ARAP1: variants seen among roughly 807,000 people sequenced by gnomAD.
The protein encoded by ARAP1 is ArfGAP with RhoGAP domain, ankyrin repeat and PH domain 1.
A neutral mutation model predicts 172.2 loss-of-function variants in ARAP1; 76 were observed. The ratio of observed to expected loss-of-function variants is 0.44; its 90% confidence interval spans 0.37 to 0.53. The LOEUF (loss-of-function observed/expected upper bound fraction) is 0.53. ARAP1 is among the 20% of genes least tolerant of loss of function. The pLI, the probability that ARAP1 is intolerant of heterozygous loss-of-function variation, is 0.00. For synonymous variants in ARAP1, 804 were observed against 803.3 expected (o/e 1.00, Z -0.01); for missense variants, 1,686 against 1,977.5 (o/e 0.85, Z 2.80).
At chr11:72,714,700 C>T (rs183470994) in intron 3 of ARAP1, among the ~76,000 whole-genome samples, 48 of 152,228 alleles carry the variant, frequency 3.2e-4, no homozygotes, top group Admixed American at 7.8e-4. Flanking sequence ...AAGGCATTGA[C>T]GGCAAAGAGA....
At chr11:72,698,524 G>A (rs1856320572) in intron 18 of ARAP1, among the ~76,000 whole-genome samples, 4 of 152,172 alleles carry the variant, frequency 2.6e-5, no homozygotes, top group African/African-American at 9.7e-5. Flanking sequence ...CTCAGGAGGC[G>A]CACAAGACAA....
At position 72,714,234 on chromosome 11, in the gene ARAP1, G is replaced by T; in HGVS notation, c.597C>A (p.Pro199=). The change falls in exon 4 of 35, where the codon CCC becomes CCA. Residue 199 remains proline (P), a synonymous_variant. Transcript: ENST00000393609. ...GAGAGGGAGGCTGGGGAGGCCCCTG[G>T]GGGAGGGTGGACAGGGGCTCCTCAG... ...PQSEEPLSTL[P]QGPPQPPSPP... is the part of the protein sequence containing the mutation. 1.3e-6 allele frequency: 2 copies of T among 1,528,084 alleles called. No homozygotes were observed. The highest frequency in any genetic ancestry group is 1.8e-6 in the Non-Finnish European group (2 of 1,140,366). 94.7% of individuals were successfully genotyped at this position (1,528,084 alleles called of 1,614,324 possible).
intron 1 of ARAP1, among the ~76,000 whole-genome samples, chr11:72,738,082 T>C (rs1858086040): frequency 6.6e-6 from 1 of 152,192 alleles, no homozygotes; most frequent in African/African-American, 2.4e-5. Flanking sequence ...GGGAGGCTTC[T>C]AGAAGGAACC....
intron 3 of ARAP1, among the ~76,000 whole-genome samples, chr11:72,723,707 A>C (rs1245603514): frequency 1.3e-5 from 2 of 152,196 alleles, no homozygotes; most frequent in African/African-American, 4.8e-5. Context: ...CAAGCTCAGC[A>C]CGTGCCAGTA....
chr11:72,705,572 C>CT (rs1269455268), intron 13 of ARAP1: 9 of 476,236 alleles, frequency 1.9e-5, no homozygotes, highest in Non-Finnish European at 2.6e-5. Flanking sequence ...CTTTTTTTTT[C>CT]TTTAAAAAAA....
chr11:72,695,900 G>C lies in ARAP1; in HGVS notation c.3273-35C>G. ...GGAGGAGGAGGGCTTTGAGTGAGGA[G>C]TCAGGCCAGAGCTTCCCATCTCACC... On this transcript the variant is annotated intron_variant, in intron 23 of 34. Transcript: ENST00000393609. This position sits in a 1 kb window ranked among gnomAD's most constrained non-coding sequence, Gnocchi z 4.4. 6.3e-7 allele frequency: 1 copy of C among 1,591,088 alleles called. No homozygotes were observed. Among genetic ancestry groups the C allele is most frequent in the Non-Finnish European group, 8.6e-7 (1 of 1,169,298 alleles).
chr11:72,686,235 C>G (rs1565206862), intron 33 of ARAP1, 44 bp from the exon 34 acceptor site: 2 of 1,586,434 alleles, frequency 1.3e-6, no homozygotes, highest in Non-Finnish European at 1.7e-6. Context: ...TTCAGTTCAC[C>G]CAGACACTCA....
intron 1 of ARAP1, among the ~76,000 whole-genome samples, chr11:72,737,145 G>A (rs1218994894): frequency 6.6e-6 from 1 of 152,114 alleles, no homozygotes; most frequent in Non-Finnish European, 1.5e-5. Flanking sequence ...TTTTGTGGGG[G>A]TCCACCTCCA....
chr11:72,751,717 C>A (rs575844131), intron 1 of ARAP1, among the ~76,000 whole-genome samples: 4 of 152,154 alleles, frequency 2.6e-5, no homozygotes, highest in East Asian at 1.9e-4. Context: ...AGATTCCCCC[C>A]CTCCCCGCCG....
At chr11:72,686,223 G>T (rs1221994883) in intron 33 of ARAP1, 32 bp from the exon 34 acceptor site, 2 of 1,596,556 alleles carry the variant, frequency 1.3e-6, no homozygotes, top group Non-Finnish European at 8.6e-7. Flanking sequence ...GCTGGGCTCA[G>T]CTTCAGTTCA....
At chr11:72,747,143 C>T (rs934595764) in intron 1 of ARAP1, among the ~76,000 whole-genome samples, 1 of 152,220 alleles carries the variant, frequency 6.6e-6, no homozygotes, top group African/African-American at 2.4e-5. Flanking sequence ...GCCAAGATTC[C>T]AGGTGTGACC....
At chr11:72,704,020 A>G (rs1307287158) in intron 14 of ARAP1, 132 bp downstream of exon 14, 1 of 1,274,154 alleles carries the variant, frequency 7.8e-7, no homozygotes. Context: ...TCTGCCCTCC[A>G]AACATCAGTT....
Position 72,695,048 on chromosome 11 carries a change from C to T in ARAP1, c.3626G>A (p.Arg1209His), listed in dbSNP as rs746817671. 6 of 1,614,112 alleles carry T rather than the reference C, an allele frequency of 3.7e-6. No individual in the cohort carries two copies. Among genetic ancestry groups the T allele is most frequent in the Non-Finnish European group, 5.1e-6 (6 of 1,180,018 alleles). Residue 1209 changes from arginine (R) to histidine (H), a missense_variant, in exon 27 of 35, where the codon CGC becomes CAC. This residue lies in a region of ARAP1 where 379 missense variants were observed against 500.1 expected (regional missense o/e 0.76). Transcript: ENST00000393609. The surrounding 1 kb of genome is among the most constrained non-coding windows in gnomAD (Gnocchi z 4.4). Reference protein sequence around the residue: ...AEELTLEILDRRNVGIREKDY... With the variant: ...AEELTLEILDHRNVGIREKDY... ...CTTCTCCCTGATGCCCACGTTCCGG[C>T]GATCCAGGATCTCCAGGGTGAGCTC... is the stretch of plus-strand genomic sequence containing the variant.
chr11:72,686,013 C>T, intron 34 of ARAP1, 29 bp downstream of exon 34: 1 of 1,613,856 alleles, frequency 6.2e-7, no homozygotes. Context: ...CCCCCAGCCC[C>T]CTGCCCAAAG....
At chr11:72,730,937 A>G (rs1240635207) in intron 2 of ARAP1, among the ~76,000 whole-genome samples, 1 of 152,256 alleles carries the variant, frequency 6.6e-6, no homozygotes, top group Non-Finnish European at 1.5e-5. Flanking sequence ...AACTCCTCAC[A>G]TATTGACATG....
chr11:72,685,762 G>A (rs779351850), intron 34 of ARAP1, 81 bp from the exon 35 acceptor site: 1 of 1,560,118 alleles, frequency 6.4e-7, no homozygotes. Flanking sequence ...TGCAGCTGCT[G>A]CAGCCACTCT....
At chr11:72,701,593 C>A (rs1856485347) in intron 16 of ARAP1, 56 bp downstream of exon 16, 3 of 1,570,918 alleles carry the variant, frequency 1.9e-6, no homozygotes, top group South Asian at 1.2e-5. Flanking sequence ...GCTTCCCTAG[C>A]CCTGCAGCCG....
intron 11 of ARAP1, 160 bp downstream of exon 11, chr11:72,709,710 G>C (rs1030770911): frequency 2.7e-6 from 2 of 732,024 alleles, no homozygotes; most frequent in East Asian, 2.6e-5. Flanking sequence ...GGAGATCAGA[G>C]AGGGTTAGCA....
chr11:72,749,751 G>A (rs1406286764), intron 1 of ARAP1, among the ~76,000 whole-genome samples: 2 of 151,904 alleles, frequency 1.3e-5, no homozygotes, highest in East Asian at 1.9e-4. Context: ...GTGTGGTGGC[G>A]GGCGCCTGTA....
Sources: allele counts gnomAD v4.1 joint callset (sites outside exome capture counted in the v4.1 genomes callset), GRCh38; gene constraint gnomAD v4.1.1; regional missense constraint gnomAD v4.1.1; non-coding constraint Gnocchi (gnomAD v3.1); transcripts MANE v1.5; gene names NCBI Gene and HGNC (gene_info 2026-07-23, HGNC 2026-07-21).